The following CASZ1 variants were observed in gnomAD, a reference collection of about 807,000 sequenced individuals.
CASZ1 encodes the protein zinc finger protein castor homolog 1.
CASZ1 carries 28 observed loss-of-function variants against 135.2 expected under a neutral mutation model. That is an observed-to-expected ratio of 0.21 (90% CI 0.15 to 0.28). CASZ1 has a LOEUF of 0.28. Ranked by LOEUF, CASZ1 falls within the 10% of genes least tolerant of loss-of-function variation. The probability of loss-of-function intolerance (pLI) is 1.00; values close to 1 mark genes in which losing one functional copy is unlikely to be tolerated. For missense variants in CASZ1, 2,161 were observed against 2,453.3 expected (o/e 0.88, Z 2.52); for synonymous variants, 1,068 against 1,073.4 (o/e 0.99, Z 0.10).
intron 1 of CASZ1, among the ~76,000 whole-genome samples, chr1:10,772,816 A>T (rs2100596423): frequency 6.6e-6 from 1 of 152,234 alleles, no homozygotes; most frequent in African/African-American, 2.4e-5. Context: ...GAGCATGAAG[A>T]GCTGTATGGG....
intron 4 of CASZ1, among the ~76,000 whole-genome samples, chr1:10,681,194 C>T (rs996462413): frequency 6.6e-6 from 1 of 150,434 alleles, no homozygotes; most frequent in Non-Finnish European, 1.5e-5. Flanking sequence ...AGCCACCGTG[C>T]CTGACCTTTT....
At chr1:10,780,836 C>T (rs1640750469) in intron 1 of CASZ1, among the ~76,000 whole-genome samples, 1 of 152,298 alleles carries the variant, frequency 6.6e-6, no homozygotes, top group Non-Finnish European at 1.5e-5. Context: ...AGCCTCATTT[C>T]CTGCCAGGTA....
At chr1:10,770,461 T>G (rs957155508) in intron 1 of CASZ1, among the ~76,000 whole-genome samples, 23 of 152,192 alleles carry the variant, frequency 1.5e-4, no homozygotes, top group African/African-American at 5.3e-4. Flanking sequence ...AAAAAATAGA[T>G]TTTTAAAAAG....
At chr1:10,703,420 C>T (rs1405372787) in intron 3 of CASZ1, among the ~76,000 whole-genome samples, 1 of 152,214 alleles carries the variant, frequency 6.6e-6, no homozygotes, top group Non-Finnish European at 1.5e-5. Flanking sequence ...CCCCCTCAGC[C>T]TGCTTGCCCC....
At chr1:10,782,735 G>A (rs990368811) in intron 1 of CASZ1, among the ~76,000 whole-genome samples, 1 of 152,210 alleles carries the variant, frequency 6.6e-6, no homozygotes, top group African/African-American at 2.4e-5. Flanking sequence ...GAGCCACTGA[G>A]GCGGGAAGGG....
intron 11 of CASZ1, chr1:10,652,540 G>C (rs552022373): frequency 6.6e-6 from 1 of 152,388 alleles, no homozygotes; most frequent in African/African-American, 2.4e-5. Flanking sequence ...AGGGAAACTG[G>C]GAGAGGAGTG....
intron 4 of CASZ1, among the ~76,000 whole-genome samples, chr1:10,688,295 C>T (rs867459557): frequency 9.9e-5 from 15 of 152,116 alleles, no homozygotes; most frequent in African/African-American, 2.7e-4. Flanking sequence ...CCAGGGCCAA[C>T]GGGGTGTGAG....
intron 4 of CASZ1, among the ~76,000 whole-genome samples, chr1:10,689,586 C>T (rs1460745550): frequency 6.6e-6 from 1 of 152,182 alleles, no homozygotes; most frequent in East Asian, 1.9e-4. Flanking sequence ...GCCCTTCTGC[C>T]TCTGCCTCTT....
chr1:10,644,886 A>G, intron 18 of CASZ1, 31 bp downstream of exon 18: 1 of 1,593,964 alleles, frequency 6.3e-7, no homozygotes, highest in African/African-American at 1.3e-5. Context: ...GCCTGCTGCA[A>G]GTCCCTGCCC....
At chr1:10,705,462 G>C (rs1363225169) in intron 3 of CASZ1, 30 bp downstream of exon 3, 1 of 152,376 alleles carries the variant, frequency 6.6e-6, no homozygotes, top group Non-Finnish European at 1.5e-5. Flanking sequence ...GGGAGAGGAC[G>C]CGAGGCTCAG....
intron 2 of CASZ1, among the ~76,000 whole-genome samples, chr1:10,742,823 A>G (rs1198018653): frequency 6.6e-6 from 1 of 152,046 alleles, no homozygotes; most frequent in Non-Finnish European, 1.5e-5. Context: ...GTCTCTACTA[A>G]AAATACAAAA....
At chr1:10,734,586 T>C (rs1418201362) in intron 2 of CASZ1, among the ~76,000 whole-genome samples, 1 of 152,096 alleles carries the variant, frequency 6.6e-6, no homozygotes, top group African/African-American at 2.4e-5. Flanking sequence ...CTCGTCTGCC[T>C]GGGCCCCTGG....
At chr1:10,765,755 T>G (rs1249354704) in intron 1 of CASZ1, among the ~76,000 whole-genome samples, 1 of 152,216 alleles carries the variant, frequency 6.6e-6, no homozygotes, top group African/African-American at 2.4e-5. Flanking sequence ...CCCAGCCAGC[T>G]GCTTATGCGG....
rs773414698 is a variant in CASZ1 at position 10,649,263 on chromosome 1, C to T, written c.3035+20G>A. 1.1e-5 allele frequency: 17 copies of T among 1,602,814 alleles called. No homozygotes were observed. The highest frequency in any genetic ancestry group is 4.5e-5 in the East Asian group (2 of 44,514). ...CGGGTGCGGGGGGACGATGGGTGGA[C>T]GCGGCCAGCAGCCCCTCACCTGCGC... On this transcript the variant is annotated intron_variant, in intron 14 of 20. Coordinates refer to ENST00000377022, the MANE Select transcript of CASZ1 (RefSeq NM_001079843.3).
intron 4 of CASZ1, among the ~76,000 whole-genome samples, chr1:10,683,072 G>A (rs1417223512): frequency 1.3e-5 from 2 of 152,200 alleles, no homozygotes; most frequent in Admixed American, 6.5e-5. Flanking sequence ...AAACAGCAAC[G>A]GTCACATAAC....
rs998565835 is a variant in CASZ1 at position 10,756,953 on chromosome 1, A to G, written c.-77+3748T>C. Among the ~76,000 whole-genome samples, 1 of 152,166 alleles carries G rather than the reference A, an allele frequency of 6.6e-6. No homozygotes were observed. Among genetic ancestry groups the G allele is most frequent in the Non-Finnish European group, 1.5e-5 (1 of 68,026 alleles). ...AGAAACTCAGCCAACTTTTAGACCCAATCTCAGACCCAGCACAGAACCCAG... is the reference window on the plus strand; with the variant it reads ...AGAAACTCAGCCAACTTTTAGACCCGATCTCAGACCCAGCACAGAACCCAG... On this transcript the variant is annotated intron_variant, in intron 2 of 20. Transcript: ENST00000377022. The surrounding 1 kb of genome is among the most constrained non-coding windows in gnomAD (Gnocchi z 5.9).
intron 2 of CASZ1, among the ~76,000 whole-genome samples, chr1:10,743,872 G>A (rs1019714501): frequency 2.0e-5 from 3 of 146,586 alleles, no homozygotes; most frequent in Admixed American, 1.4e-4. Flanking sequence ...GAGGGAGAGA[G>A]AGAGAGGAGC....
In CASZ1 at chr1:10,706,710, G is replaced by A. The variant is rs139171847; in HGVS notation, c.-76-1166C>T. 1.3e-5 allele frequency among the ~76,000 whole-genome samples: 2 copies of A among 152,320 alleles called. No homozygotes were observed. Among genetic ancestry groups the A allele is most frequent in the African/African-American group, 2.4e-5 (1 of 41,574 alleles). On this transcript the variant is annotated intron_variant, in intron 2 of 20. Coordinates refer to ENST00000377022, the MANE Select transcript of CASZ1 (RefSeq NM_001079843.3). This position sits in a 1 kb window ranked among gnomAD's most constrained non-coding sequence, Gnocchi z 4.3. ...TTTCGCCGCTTGTGTTGGGCTGCCCGGGCAGAGGGTGCCCACTGGGGCGGA... is the reference window on the plus strand; with the variant it reads ...TTTCGCCGCTTGTGTTGGGCTGCCCAGGCAGAGGGTGCCCACTGGGGCGGA...
chr1:10,682,884 C>T (rs948556027), intron 4 of CASZ1, among the ~76,000 whole-genome samples: 2 of 152,246 alleles, frequency 1.3e-5, no homozygotes, highest in African/African-American at 2.4e-5. Context: ...CTGCGTGGTG[C>T]GCTTGGTGTG....
Sources: allele counts gnomAD v4.1 joint callset (sites outside exome capture counted in the v4.1 genomes callset), GRCh38; gene constraint gnomAD v4.1.1; non-coding constraint Gnocchi (gnomAD v3.1); transcripts MANE v1.5; gene names NCBI Gene and HGNC (gene_info 2026-07-23, HGNC 2026-07-21).